Variants in EXT2 observed in about 807,000 individuals in gnomAD.
EXT2 encodes exostosin glycosyltransferase 2.
Under a neutral mutation model 81.6 loss-of-function variants are expected in EXT2, and 53 were observed. That is an observed-to-expected ratio of 0.65 (90% CI 0.52 to 0.82). The LOEUF (loss-of-function observed/expected upper bound fraction) is 0.82, where lower values mean the gene tolerates loss of function less well. EXT2 is among the 40% of genes least tolerant of loss of function. The pLI, the probability that EXT2 is intolerant of heterozygous loss-of-function variation, is 0.00. For missense variants in EXT2, 774 were observed against 910.2 expected (o/e 0.85, Z 1.93); for synonymous variants, 320 against 340.0 (o/e 0.94, Z 0.65).
intron 6 of EXT2, among the ~76,000 whole-genome samples, chr11:44,129,751 T>G (rs151057120): frequency 1.2e-4 from 18 of 152,342 alleles, no homozygotes; most frequent in Admixed American, 7.2e-4. Flanking sequence ...CATGGTGTGT[T>G]CAAGTGACTG....
At chr11:44,202,554 G>A (rs753523933) in intron 9 of EXT2, among the ~76,000 whole-genome samples, 1 of 152,198 alleles carries the variant, frequency 6.6e-6, no homozygotes, top group Non-Finnish European at 1.5e-5. Context: ...TGGGCCAGGG[G>A]TATACCACTG....
intron 10 of EXT2, 61 bp downstream of exon 10, chr11:44,207,020 T>C (rs528186670): frequency 1.3e-6 from 2 of 1,547,486 alleles, no homozygotes; most frequent in Admixed American, 1.7e-5. Flanking sequence ...ACTGCTTGTC[T>C]TTTCTAAAAA....
chr11:44,238,958 A>G (rs551031839), intron 13 of EXT2, among the ~76,000 whole-genome samples: 5 of 152,312 alleles, frequency 3.3e-5, no homozygotes, highest in African/African-American at 1.2e-4. Flanking sequence ...ATTTTCGAAC[A>G]CGAGACTAGC....
intron 8 of EXT2, among the ~76,000 whole-genome samples, chr11:44,173,371 A>G (rs1463352689): frequency 6.6e-6 from 1 of 152,168 alleles, no homozygotes; most frequent in Non-Finnish European, 1.5e-5. Context: ...ATATGGGATT[A>G]TACTAAACAT....
chr11:44,244,076 T>C, intron 13 of EXT2, 73 bp from the exon 14 acceptor site: 1 of 1,364,634 alleles, frequency 7.3e-7, no homozygotes, highest in Non-Finnish European at 1.0e-6. Flanking sequence ...GAACATACTA[T>C]CTTTTCTCCC....
intron 9 of EXT2, among the ~76,000 whole-genome samples, chr11:44,201,881 A>C (rs1955526227): frequency 1.3e-5 from 2 of 152,170 alleles, no homozygotes; most frequent in African/African-American, 4.8e-5. Context: ...TTTAATGCTT[A>C]TTCTTTGATT....
At chr11:44,174,410 T>A (rs1053114795) in intron 8 of EXT2, among the ~76,000 whole-genome samples, 9 of 149,444 alleles carry the variant, frequency 6.0e-5, no homozygotes, top group Admixed American at 2.0e-4. Context: ...AATTTACATT[T>A]TATATATATA....
Position 44,108,010 on chromosome 11 carries a change from C to G in EXT2, c.298C>G (p.Pro100Ala). Residue 100 changes from proline (P) to alanine (A), a missense_variant, in exon 2 of 14, where the codon CCA (proline) becomes GCA (alanine). Pro to Ala is a conservative substitution (Grantham distance 27). Coordinates refer to ENST00000533608, the MANE Select transcript of EXT2 (RefSeq NM_207122.2). Reference protein sequence around the residue: ...CFDVYRCGFNPKNKIKVYIYA... With the variant: ...CFDVYRCGFNAKNKIKVYIYA... ...TGATGTCTATCGCTGTGGCTTCAAC[C>G]CAAAGAACAAAATCAAGGTGTATAT... The G allele has an allele frequency of 8.1e-6, 13 of 1,614,120 alleles. No individual in the cohort carries two copies. The highest frequency in any genetic ancestry group is 1.1e-5 in the Non-Finnish European group (13 of 1,180,014).
intron 3 of EXT2, among the ~76,000 whole-genome samples, chr11:44,109,725 A>G (rs1290921574): frequency 6.6e-6 from 1 of 152,174 alleles, no homozygotes; most frequent in Non-Finnish European, 1.5e-5. Flanking sequence ...TTCAATCAGT[A>G]GGGTTCTTTC....
At chr11:44,112,398 T>TTAGCTGCAGC (rs2134979548) in intron 3 of EXT2, among the ~76,000 whole-genome samples, 1 of 152,312 alleles carries the variant, frequency 6.6e-6, no homozygotes, top group South Asian at 2.1e-4. Context: ...CAGGTTTTCT[T>TTAGCTGCAGC]TTCAGTCTCT....
intron 7 of EXT2, among the ~76,000 whole-genome samples, chr11:44,138,587 G>C (rs1393216739): frequency 6.6e-6 from 1 of 151,980 alleles, no homozygotes; most frequent in Non-Finnish European, 1.5e-5. Flanking sequence ...CTATTAGAGA[G>C]CTTTATACAG....
intron 10 of EXT2, among the ~76,000 whole-genome samples, chr11:44,207,942 G>A (rs1239537791): frequency 6.6e-6 from 1 of 152,092 alleles, no homozygotes; most frequent in African/African-American, 2.4e-5. Flanking sequence ...CTTCATTTGA[G>A]TGTAAAAGAA....
chr11:44,197,755 G>T, intron 8 of EXT2, 74 bp from the exon 9 acceptor site: 4 of 1,518,018 alleles, frequency 2.6e-6, no homozygotes, highest in Non-Finnish European at 2.7e-6. Context: ...CCATGTTTGG[G>T]TTTGCTGACG....
chr11:44,195,440 A>G (rs1955444523), intron 8 of EXT2, among the ~76,000 whole-genome samples: 1 of 152,122 alleles, frequency 6.6e-6, no homozygotes, highest in East Asian at 1.9e-4. Flanking sequence ...CTCAAAAAAA[A>G]AAAGAAAAAG....
chr11:44,119,139 T>TTTATATATATATATATAC (rs1555004256), intron 4 of EXT2, among the ~76,000 whole-genome samples: 1 of 24,646 alleles, frequency 4.1e-5, no homozygotes, highest in Non-Finnish European at 9.6e-5. Context: ...TATATATATA[T>TTTATATATATATATATAC]ATATATATAT....
chr11:44,207,001 C>T, intron 10 of EXT2, 42 bp downstream of exon 10: 1 of 1,565,734 alleles, frequency 6.4e-7, no homozygotes, highest in Non-Finnish European at 8.8e-7. Flanking sequence ...TTTAATATTA[C>T]TTCCTATGAC....
chr11:44,192,690 C>T (rs968318188), intron 8 of EXT2, among the ~76,000 whole-genome samples: 2 of 152,106 alleles, frequency 1.3e-5, no homozygotes, highest in African/African-American at 4.8e-5. Flanking sequence ...GAGGTAGATA[C>T]TATCATGATC....
intron 7 of EXT2, among the ~76,000 whole-genome samples, chr11:44,156,243 T>C (rs1954853824): frequency 6.6e-6 from 1 of 152,188 alleles, no homozygotes. Flanking sequence ...TCTATAACCT[T>C]CTAATACTTG....
At chr11:44,158,412 G>A (rs1342826690) in intron 7 of EXT2, among the ~76,000 whole-genome samples, 1 of 152,118 alleles carries the variant, frequency 6.6e-6, no homozygotes, top group Non-Finnish European at 1.5e-5. Context: ...AAATGGGATG[G>A]CAAAGCCTGG....
Sources: allele counts gnomAD v4.1 joint callset (sites outside exome capture counted in the v4.1 genomes callset), GRCh38; gene constraint gnomAD v4.1.1; transcripts MANE v1.5; gene names NCBI Gene and HGNC (gene_info 2026-07-23, HGNC 2026-07-21).